CHRNA7: variants seen among roughly 807,000 people sequenced by gnomAD.
CHRNA7 encodes neuronal acetylcholine receptor subunit alpha-7.
A neutral mutation model predicts 48.0 loss-of-function variants in CHRNA7; 17 were observed. That is an observed-to-expected ratio of 0.35 (90% CI 0.24 to 0.53). The LOEUF (loss-of-function observed/expected upper bound fraction) is 0.53, where lower values mean the gene tolerates loss of function less well. CHRNA7 is among the 20% of genes least tolerant of loss of function. CHRNA7 has a pLI of 0.92. For missense variants in CHRNA7, 155 were observed against 577.7 expected, an observed-to-expected ratio of 0.27 and a Z score of 7.50; for synonymous variants, 75 against 242.3, an observed-to-expected ratio of 0.31 and a Z score of 6.41.
chr15:32,070,413 G>GT (rs1595411137), intron 2 of CHRNA7, among the ~76,000 whole-genome samples: 1 of 151,910 alleles, frequency 6.6e-6, no homozygotes, highest in Non-Finnish European at 1.5e-5. Context: ...GACTCTAAAT[G>GT]TAAGAGTGGT....
intron 4 of CHRNA7, among the ~76,000 whole-genome samples, chr15:32,134,333 GT>G (rs1026191884): frequency 1.3e-5 from 2 of 151,998 alleles, no homozygotes; most frequent in Non-Finnish European, 2.9e-5. Context: ...TAATTTTTGT[GT>G]TTTTAGTAGA....
At chr15:32,049,000 T>C (rs556952135) in intron 2 of CHRNA7, among the ~76,000 whole-genome samples, 29 of 138,856 alleles carry the variant, frequency 2.1e-4, no homozygotes, top group Admixed American at 1.9e-3. Flanking sequence ...TTCTTAATCC[T>C]GAGTTCTAGT....
chr15:32,092,570 A>G (rs2050400570), intron 2 of CHRNA7, among the ~76,000 whole-genome samples: 1 of 152,024 alleles, frequency 6.6e-6, no homozygotes, highest in East Asian at 1.9e-4. Flanking sequence ...CCCATGCCTC[A>G]TTCGTATTTT....
At chr15:32,055,405 A>G (rs1236129364) in intron 2 of CHRNA7, among the ~76,000 whole-genome samples, 1 of 152,108 alleles carries the variant, frequency 6.6e-6, no homozygotes, top group Non-Finnish European at 1.5e-5. Context: ...GGGGATGGTA[A>G]AGTCTGATAT....
Position 32,082,616 on chromosome 15 carries a change from T to C in CHRNA7, c.196-18687T>C, listed in dbSNP as rs150437196. 3.5e-3 allele frequency among the ~76,000 whole-genome samples: 539 copies of C among 152,322 alleles called. 4 individuals are homozygous for C. Among genetic ancestry groups the C allele is most frequent in the African/African-American group, 0.012 (507 of 41,578 alleles). ...GGATAATGCAATTAGTACAACTTTA[T>C]GCAATGTCTTCTTTCCACTGTATAT... On this transcript the variant is annotated intron_variant, in intron 2 of 9. Coordinates refer to ENST00000306901, the MANE Select transcript of CHRNA7 (RefSeq NM_000746.6).
At chr15:32,088,067 C>T (rs2050326881) in intron 2 of CHRNA7, among the ~76,000 whole-genome samples, 1 of 152,158 alleles carries the variant, frequency 6.6e-6, no homozygotes, top group Admixed American at 6.5e-5. Context: ...GAATTCTCTG[C>T]CCTAGAAGTA....
At chr15:32,030,802 G>A in intron 1 of CHRNA7, 96 bp from the exon 2 acceptor site, 1 of 1,524,154 alleles carries the variant, frequency 6.6e-7, no homozygotes, top group Non-Finnish European at 8.8e-7. Flanking sequence ...TGTCTGGGCT[G>A]CACCGGGTGG....
intron 9 of CHRNA7, chr15:32,167,257 C>G (rs1306755379): frequency 6.2e-6 from 1 of 162,084 alleles, no homozygotes; most frequent in Non-Finnish European, 1.4e-5. Flanking sequence ...CAATGTAGCA[C>G]CTATGGGGCA....
rs540617588 is a variant in CHRNA7, at chr15:32,170,697, T to G, written c.*2239T>G. ...ACATAGTTAGAAAAGTATGAGTGGT[T>G]AAAAACAACAGTCTCCCATACTGCC... On this transcript the variant is annotated 3_prime_UTR_variant, in exon 10 of 10. Transcript: ENST00000306901. 8.3e-6 allele frequency: 1 copy of G among 120,190 alleles called. No individual in the cohort carries two copies. Among genetic ancestry groups the G allele is most frequent in the East Asian group, 2.8e-4 (1 of 3,564 alleles). The allele number at this position is 120,190 out of a possible 1,614,324, so 7.4% of individuals were successfully genotyped here. A position where few individuals can be genotyped will look rare whatever the true frequency, so the allele number is the denominator to read the frequency against.
At chr15:32,134,649 A>G (rs2051215734) in intron 4 of CHRNA7, among the ~76,000 whole-genome samples, 1 of 152,262 alleles carries the variant, frequency 6.6e-6, no homozygotes, top group South Asian at 2.1e-4. Flanking sequence ...GCAAGCATTC[A>G]CAAACATAGC....
intron 3 of CHRNA7, among the ~76,000 whole-genome samples, chr15:32,108,322 G>T (rs140487596): frequency 1.3e-5 from 2 of 152,284 alleles, no homozygotes; most frequent in South Asian, 2.1e-4. Context: ...CTCACAAAAG[G>T]AGGGAGAGAA....
chr15:32,150,554 T>G (rs1464509460), intron 4 of CHRNA7, among the ~76,000 whole-genome samples: 1 of 152,206 alleles, frequency 6.6e-6, no homozygotes, highest in Non-Finnish European at 1.5e-5. Flanking sequence ...CAGAGAGGCT[T>G]TAGTTTAACT....
intron 2 of CHRNA7, among the ~76,000 whole-genome samples, chr15:32,088,243 A>G (rs143302457): frequency 6.6e-6 from 1 of 152,152 alleles, no homozygotes; most frequent in Admixed American, 6.5e-5. Flanking sequence ...TTTAAGAATC[A>G]CCTATATCTT....
Position 32,172,320 on chromosome 15 carries a change from TTTTGAC to T in CHRNA7, c.*3865_*3870del, listed in dbSNP as rs2052428522. 2.3e-5 allele frequency: 1 copy of T among 43,284 alleles called. No individual in the cohort carries two copies. The highest frequency in any genetic ancestry group is 5.7e-5 in the Non-Finnish European group (1 of 17,604). The allele number at this position is 43,284 out of a possible 1,614,324, so 2.7% of individuals were successfully genotyped here. On this transcript the variant is annotated 3_prime_UTR_variant, in exon 10 of 10. Coordinates refer to ENST00000306901, the MANE Select transcript of CHRNA7 (RefSeq NM_000746.6). Reference sequence around the variant, plus strand: ...ATTCCTACTTGTTTCTAAGGTATACTTTTGACTTCTCCTTTCCAATGTGTCTCTTAT... The same window carrying T: ...ATTCCTACTTGTTTCTAAGGTATACTTTCTCCTTTCCAATGTGTCTCTTAT...
At chr15:32,119,712 T>C (rs1001624505) in intron 4 of CHRNA7, among the ~76,000 whole-genome samples, 1 of 152,108 alleles carries the variant, frequency 6.6e-6, no homozygotes, top group African/African-American at 2.4e-5. Flanking sequence ...CCAGAAGTTA[T>C]TATCTGTTCT....
At chr15:32,034,290 G>A (rs1901981366) in intron 2 of CHRNA7, among the ~76,000 whole-genome samples, 2 of 152,190 alleles carry the variant, frequency 1.3e-5, no homozygotes, top group African/African-American at 2.4e-5. Context: ...TCAACAAGGT[G>A]TGTTTTATGG....
chr15:32,136,956 C>A (rs1182127767), intron 4 of CHRNA7, among the ~76,000 whole-genome samples: 1 of 132,446 alleles, frequency 7.6e-6, no homozygotes, highest in Non-Finnish European at 1.5e-5. Context: ...GGCGTGAACC[C>A]GGGAGGCGGA....
chr15:32,041,025 T>TA lies in CHRNA7; in HGVS notation c.195+9989dup, dbSNP rs146596753. The stretch of plus-strand genomic sequence containing the variant: ...TTTCATGTAAGTCAGATGTAATTCT[T>TA]ACCTTTTTGGTCCTCTAAAGGGAAG... On this transcript the variant is annotated intron_variant, in intron 2 of 9. Coordinates refer to ENST00000306901, the MANE Select transcript of CHRNA7 (RefSeq NM_000746.6). 7.0e-3 allele frequency among the ~76,000 whole-genome samples: 1,067 copies of TA among 152,328 alleles called. 5 individuals are homozygous for TA. The highest frequency in any genetic ancestry group is 0.017 in the Middle Eastern group (5 of 294).
intron 4 of CHRNA7, among the ~76,000 whole-genome samples, chr15:32,145,712 G>A (rs1240502355): frequency 2.6e-5 from 4 of 152,198 alleles, no homozygotes; most frequent in African/African-American, 9.6e-5. Context: ...CTCCGTGGGT[G>A]TGGGTCCCAC....
Sources: gnomAD v4.1 joint callset for allele counts (sites outside exome capture counted in the v4.1 genomes callset) on GRCh38, gnomAD v4.1.1 for gene constraint, MANE v1.5 for transcripts, NCBI Gene and HGNC (gene_info 2026-07-23, HGNC 2026-07-21) for gene names.